SLC24A2: variants seen among roughly 807,000 people sequenced by gnomAD.
The protein encoded by SLC24A2 is sodium/potassium/calcium exchanger 2.
A neutral mutation model predicts 62.0 loss-of-function variants in SLC24A2; 36 were observed. The observed-to-expected ratio is 0.58, with a 90% CI of 0.44 to 0.77. The LOEUF (loss-of-function observed/expected upper bound fraction) is 0.77. SLC24A2 is among the 30% of genes least tolerant of loss of function. SLC24A2 has a pLI of 0.00. For missense variants in SLC24A2, 846 were observed against 817.9 expected (o/e 1.03, Z -0.42); for synonymous variants, 358 against 294.0 (o/e 1.22, Z -2.23).
chr9:19,645,927 C>T (rs534118497), intron 2 of SLC24A2, among the ~76,000 whole-genome samples: 7 of 152,328 alleles, frequency 4.6e-5, no homozygotes, highest in South Asian at 4.1e-4. Context: ...TCAGATGATT[C>T]AATCAGTGTC....
the SLC24A2 span, among the ~76,000 whole-genome samples, chr9:20,163,039 A>T: frequency 2.0e-5 from 3 of 152,166 alleles, no homozygotes; most frequent in African/African-American, 7.2e-5. Context: ...GAATGGGCAA[A>T]AACTGGAAGC....
At chr9:20,122,468 C>T in the SLC24A2 span, among the ~76,000 whole-genome samples, 1 of 152,166 alleles carries the variant, frequency 6.6e-6, no homozygotes, top group African/African-American at 2.4e-5. Context: ...GGGCAGATCA[C>T]TTGAAGTCAG....
At chr9:19,548,788 G>C (rs909890261) in intron 8 of SLC24A2, among the ~76,000 whole-genome samples, 1 of 152,184 alleles carries the variant, frequency 6.6e-6, no homozygotes, top group African/African-American at 2.4e-5. Context: ...TAGCCACTGG[G>C]ACTTCTCTCA....
the SLC24A2 span, among the ~76,000 whole-genome samples, chr9:20,261,521 G>C: frequency 2.6e-5 from 4 of 152,022 alleles, no homozygotes; most frequent in African/African-American, 9.7e-5. Flanking sequence ...CCATTCATGA[G>C]GGCGCCGCCC....
intron 2 of SLC24A2, among the ~76,000 whole-genome samples, chr9:19,702,741 C>G (rs1820392451): frequency 6.6e-6 from 1 of 151,994 alleles, no homozygotes; most frequent in South Asian, 2.1e-4. Context: ...TACTAACTAC[C>G]AAGTGTTTTA....
the SLC24A2 span, among the ~76,000 whole-genome samples, chr9:19,961,437 A>G: frequency 1.3e-5 from 2 of 152,278 alleles, no homozygotes; most frequent in African/African-American, 4.8e-5. Context: ...CTTTCCAATA[A>G]GTAGACTTAA....
chr9:20,284,281 A>AT, the SLC24A2 span, among the ~76,000 whole-genome samples: 73,423 of 149,194 alleles, frequency 0.49, 18,631 homozygotes, highest in African/African-American at 0.66. Flanking sequence ...GTTTTCAGGT[A>AT]TTTTTTTTTT....
chr9:20,140,685 C>T, the SLC24A2 span, among the ~76,000 whole-genome samples: 2 of 152,140 alleles, frequency 1.3e-5, no homozygotes, highest in African/African-American at 4.8e-5. Flanking sequence ...CTAAACTTGG[C>T]CTGAGCCATC....
the SLC24A2 span, among the ~76,000 whole-genome samples, chr9:20,085,756 AAT>A: frequency 2.6e-5 from 4 of 152,234 alleles, no homozygotes; most frequent in Non-Finnish European, 4.4e-5. Flanking sequence ...ATGAGCCCAT[AAT>A]AGTTTCCAAA....
rs375291903 is a variant in SLC24A2, at chr9:19,608,240, C to T, written c.1079-10961G>A. The stretch of plus-strand genomic sequence containing the variant: ...AACTGCTTTTGAGAGACACCTTCTC[C>T]ACTTTTTGGATAAAAGGGGGCATGA... On this transcript the variant is annotated intron_variant, in intron 4 of 10. Transcript: ENST00000341998. Among the ~76,000 whole-genome samples the T allele has an allele frequency of 1.8e-4, 27 of 151,976 alleles. No individual in the cohort carries two copies. In the East Asian group the frequency reaches 3.5e-3, roughly 20 times the overall value.
rs927485002 is a variant in SLC24A2, at chr9:19,510,041, T to G, written c.*6112A>C. ...AAAATATTGATTCCTCTTGATAAATTAGTGGGTAAGTACAGGCCCAGAGTT... is the reference window on the plus strand; with the variant it reads ...AAAATATTGATTCCTCTTGATAAATGAGTGGGTAAGTACAGGCCCAGAGTT... On this transcript the variant is annotated 3_prime_UTR_variant, in exon 11 of 11. Coordinates refer to ENST00000341998, the MANE Select transcript of SLC24A2 (RefSeq NM_020344.4). 6.6e-6 allele frequency: 1 copy of G among 152,160 alleles called. No homozygotes were observed. The highest frequency in any genetic ancestry group is 2.4e-5 in the African/African-American group (1 of 41,438). 9.4% of individuals were successfully genotyped at this position (152,160 alleles called of 1,614,324 possible).
At chr9:19,762,324 T>G (rs1182619063) in intron 2 of SLC24A2, among the ~76,000 whole-genome samples, 1 of 152,228 alleles carries the variant, frequency 6.6e-6, no homozygotes, top group Non-Finnish European at 1.5e-5. Flanking sequence ...TAGATCCCAT[T>G]TGTCTATTTT....
At position 19,707,337 on chromosome 9, in the gene SLC24A2, G is replaced by A. The variant is rs1014144227; in HGVS notation, c.930+78600C>T. Among the ~76,000 whole-genome samples, 13 of 152,312 alleles carry A rather than the reference G, an allele frequency of 8.5e-5. 1 individual carries two copies. The highest frequency in any genetic ancestry group is 6.2e-4 in the South Asian group (3 of 4,824). On this transcript the variant is annotated intron_variant, in intron 2 of 10. Coordinates refer to ENST00000341998, the MANE Select transcript of SLC24A2 (RefSeq NM_020344.4). ...AATTCTACCAGAGGTACAAGGAGGA[G>A]CTGGTACCATTCCTTCTGAAACTAT...
chr9:20,234,342 T>C, the SLC24A2 span, among the ~76,000 whole-genome samples: 1 of 152,218 alleles, frequency 6.6e-6, no homozygotes, highest in East Asian at 1.9e-4. Context: ...GGTTCCATTC[T>C]CCCCGTCACT....
chr9:20,114,103 T>C, the SLC24A2 span, among the ~76,000 whole-genome samples: 1 of 152,060 alleles, frequency 6.6e-6, no homozygotes, highest in African/African-American at 2.4e-5. Context: ...CTGAGGTTGA[T>C]TGAGTCTGCA....
intron 7 of SLC24A2, among the ~76,000 whole-genome samples, chr9:19,561,977 G>C (rs1404003194): frequency 6.6e-6 from 1 of 152,174 alleles, no homozygotes; most frequent in African/African-American, 2.4e-5. Flanking sequence ...TGATGAAGCT[G>C]TCTGGACCTA....
At chr9:20,052,409 T>C in the SLC24A2 span, among the ~76,000 whole-genome samples, 31 of 152,340 alleles carry the variant, frequency 2.0e-4, no homozygotes, top group African/African-American at 7.0e-4. Flanking sequence ...GTGTATAGAA[T>C]ACAATGAGGC....
chr9:20,156,787 C>T, the SLC24A2 span, among the ~76,000 whole-genome samples: 6 of 151,744 alleles, frequency 4.0e-5, no homozygotes, highest in African/African-American at 1.4e-4. Flanking sequence ...TGTTCTTGTG[C>T]ACTAAGTATA....
chr9:20,088,433 G>A, the SLC24A2 span, among the ~76,000 whole-genome samples: 7 of 152,160 alleles, frequency 4.6e-5, no homozygotes, highest in African/African-American at 1.7e-4. Flanking sequence ...CTATGAAGAC[G>A]TGGCCAGACT....
Sources: gnomAD v4.1 joint callset for allele counts (sites outside exome capture counted in the v4.1 genomes callset) on GRCh38, gnomAD v4.1.1 for gene constraint, MANE v1.5 for transcripts, NCBI Gene and HGNC (gene_info 2026-07-23, HGNC 2026-07-21) for gene names.